CPEB4: variants seen among roughly 807,000 people sequenced by gnomAD.
CPEB4 encodes cytoplasmic polyadenylation element binding protein 4.
A neutral mutation model predicts 72.5 loss-of-function variants in CPEB4; 12 were observed. The observed-to-expected ratio is 0.17, with a 90% CI of 0.11 to 0.27. The LOEUF (loss-of-function observed/expected upper bound fraction) is 0.27, where lower values mean the gene tolerates loss of function less well. Ranked by LOEUF, CPEB4 falls within the 10% of genes least tolerant of loss-of-function variation. The probability of loss-of-function intolerance (pLI) is 1.00; values close to 1 mark genes in which losing one functional copy is unlikely to be tolerated. For missense variants in CPEB4, 614 were observed against 908.5 expected, an observed-to-expected ratio of 0.68 and a Z score of 4.17; for synonymous variants, 302 against 326.3, an observed-to-expected ratio of 0.93 and a Z score of 0.80.
At chr5:173,940,618 A>G (rs893623171) in intron 3 of CPEB4, among the ~76,000 whole-genome samples, 1 of 152,230 alleles carries the variant, frequency 6.6e-6, no homozygotes, top group Non-Finnish European at 1.5e-5. Context: ...TAGAAAATTC[A>G]TTGAACTTAT....
chr5:173,895,826 T>C (rs1376028120), intron 1 of CPEB4, among the ~76,000 whole-genome samples: 2 of 151,932 alleles, frequency 1.3e-5, no homozygotes, highest in African/African-American at 4.8e-5. Flanking sequence ...GTAGAGTTTT[T>C]TTCTTTTTCT....
rs1048501009 is a variant in CPEB4 at position 173,900,805 on chromosome 5, A to C, written c.1126-9718A>C. 6.6e-6 allele frequency among the ~76,000 whole-genome samples: 1 copy of C among 152,182 alleles called. No individual in the cohort carries two copies. Among genetic ancestry groups the C allele is most frequent in the Non-Finnish European group, 1.5e-5 (1 of 68,032 alleles). On this transcript the variant is annotated intron_variant, in intron 1 of 9. Coordinates refer to ENST00000265085, the MANE Select transcript of CPEB4 (RefSeq NM_030627.4). The surrounding 1 kb of genome is among the most constrained non-coding windows in gnomAD (Gnocchi z 4.4). Reference sequence around the variant, plus strand: ...GAAATGTTTATTGAATGAGTTCACTAACCGCCATGCTTTGTGCTCCTGCTG... The same window carrying C: ...GAAATGTTTATTGAATGAGTTCACTCACCGCCATGCTTTGTGCTCCTGCTG...
At chr5:173,944,494 ATTGAC>A (rs1223235221) in intron 4 of CPEB4, among the ~76,000 whole-genome samples, 2 of 144,588 alleles carry the variant, frequency 1.4e-5, no homozygotes, top group East Asian at 2.0e-4. Context: ...AAAAAAAAAA[ATTGAC>A]TTGTTCATTT....
chr5:173,908,155 A>T (rs1199108017), intron 1 of CPEB4, among the ~76,000 whole-genome samples: 2 of 152,246 alleles, frequency 1.3e-5, no homozygotes, highest in African/African-American at 4.8e-5. Flanking sequence ...CTGAAAGAAT[A>T]TGCAGGTTTT....
intron 2 of CPEB4, among the ~76,000 whole-genome samples, chr5:173,914,529 G>A (rs1241416430): frequency 6.6e-6 from 1 of 152,172 alleles, no homozygotes; most frequent in Non-Finnish European, 1.5e-5. Flanking sequence ...GGCCAGGTGG[G>A]TGCATCACCT....
At position 173,908,283 on chromosome 5, in the gene CPEB4, T is replaced by A. The variant is rs370819005; in HGVS notation, c.1126-2240T>A. ...ATACTCCTGCCTCTCTATAGATAGA[T>A]CTTGTTCAGGAGATGAGGATAATGA... On this transcript the variant is annotated intron_variant, in intron 1 of 9. Coordinates refer to ENST00000265085, the MANE Select transcript of CPEB4 (RefSeq NM_030627.4). Among the ~76,000 whole-genome samples the A allele has an allele frequency of 5.2e-4, 79 of 152,280 alleles. 1 individual carries two copies. Among genetic ancestry groups the A allele is most frequent in the Middle Eastern group, 6.8e-3 (2 of 294 alleles).
chr5:173,961,484 G>A lies in CPEB4; in HGVS notation c.*5347G>A, dbSNP rs1376921852. The A allele has an allele frequency of 6.6e-6, 1 of 152,160 alleles. No individual in the cohort carries two copies. Among genetic ancestry groups the A allele is most frequent in the Non-Finnish European group, 1.5e-5 (1 of 68,024 alleles). The allele number at this position is 152,160 out of a possible 1,614,324, so 9.4% of individuals were successfully genotyped here. ...TTTTAAATCACAGAATGGTGTGTCT[G>A]GAAAGGGTGTAAGAGGCTTCCTGGG... On this transcript the variant is annotated 3_prime_UTR_variant, in exon 10 of 10. Coordinates refer to ENST00000265085, the MANE Select transcript of CPEB4 (RefSeq NM_030627.4).
At chr5:173,908,514 C>T (rs1756526358) in intron 1 of CPEB4, among the ~76,000 whole-genome samples, 1 of 152,182 alleles carries the variant, frequency 6.6e-6, no homozygotes, top group Admixed American at 6.5e-5. Flanking sequence ...CTGGACTCCT[C>T]AAGTTGCAGT....
At chr5:173,937,459 A>T (rs1337203589) in intron 3 of CPEB4, among the ~76,000 whole-genome samples, 2 of 152,212 alleles carry the variant, frequency 1.3e-5, no homozygotes, top group African/African-American at 2.4e-5. Flanking sequence ...GTAGATGATG[A>T]TCACTTACTG....
intron 3 of CPEB4, among the ~76,000 whole-genome samples, chr5:173,940,962 T>TGAA (rs1272048184): frequency 1.3e-5 from 2 of 152,230 alleles, no homozygotes; most frequent in Non-Finnish European, 2.9e-5. Context: ...AGTGTACATT[T>TGAA]GAAGATTTCG....
chr5:173,890,185 T>A lies in CPEB4; in HGVS notation c.452T>A (p.Leu151Gln). The change falls in exon 1 of 10, where the codon CTA (leucine) becomes CAA (glutamine). Residue 151 changes from leucine to glutamine, a missense_variant. This residue lies in a region of CPEB4 where 458 missense variants were observed against 548.6 expected (regional missense o/e 0.83). Coordinates refer to ENST00000265085, the MANE Select transcript of CPEB4 (RefSeq NM_030627.4). ...TGFDYQEATG[L>Q]GTSTQPLTSS... ...TTTGATTATCAAGAAGCCACTGGGC[T>A]AGGTACTTCAACCCAACCCTTGACA... 6.2e-7 allele frequency: 1 copy of A among 1,614,198 alleles called. No individual in the cohort carries two copies. Among genetic ancestry groups the A allele is most frequent in the Non-Finnish European group, 8.5e-7 (1 of 1,180,032 alleles).
intron 2 of CPEB4, among the ~76,000 whole-genome samples, chr5:173,920,687 A>AT (rs1410134003): frequency 6.6e-6 from 1 of 152,196 alleles, no homozygotes; most frequent in Non-Finnish European, 1.5e-5. Flanking sequence ...TGATCTTTAC[A>AT]TTACCATCAG....
chr5:173,890,090 AG>A lies in CPEB4; in HGVS notation c.361del (p.Asp121ThrfsTer13). The stretch of plus-strand genomic sequence containing the variant: ...AGAAGGCAAAATCAGAAGAAAATCA[AG>A]GGGACAATTCTTCGGAAAATGGCAA... ...TEKAKSEENQ[G>X]DNSSENGNGK... On this transcript the variant is annotated frameshift_variant, in exon 1 of 10. Coordinates refer to ENST00000265085, the MANE Select transcript of CPEB4 (RefSeq NM_030627.4). LOFTEE classifies it high-confidence loss of function. The A allele has an allele frequency of 6.2e-7, 1 of 1,614,138 alleles. No individual in the cohort carries two copies. The highest frequency in any genetic ancestry group is 8.5e-7 in the Non-Finnish European group (1 of 1,180,012).
At chr5:173,897,418 A>G (rs188353917) in intron 1 of CPEB4, among the ~76,000 whole-genome samples, 6 of 152,230 alleles carry the variant, frequency 3.9e-5, no homozygotes, top group Admixed American at 2.6e-4. Context: ...CCTGGAATCA[A>G]GAGTTTTTAA....
intron 2 of CPEB4, among the ~76,000 whole-genome samples, chr5:173,925,866 G>A (rs1214667076): frequency 1.3e-5 from 2 of 152,222 alleles, no homozygotes; most frequent in East Asian, 1.9e-4. Context: ...GTATGTGTAT[G>A]TATATATTTG....
intron 1 of CPEB4, among the ~76,000 whole-genome samples, chr5:173,897,370 G>T (rs1373744100): frequency 1.3e-5 from 2 of 152,164 alleles, no homozygotes; most frequent in Non-Finnish European, 2.9e-5. Flanking sequence ...ATATGAAAGG[G>T]TGCCATAGAT....
At chr5:173,954,245 A>G (rs1191767696) in intron 9 of CPEB4, among the ~76,000 whole-genome samples, 1 of 152,210 alleles carries the variant, frequency 6.6e-6, no homozygotes, top group Non-Finnish European at 1.5e-5. Flanking sequence ...TGTCATGTAC[A>G]GTCTACTTCA....
In CPEB4 at chr5:173,949,970, C is replaced by T. The variant is rs146932436; in HGVS notation, c.1557C>T (p.Phe519=). ...KSYFPPKGYA[F]LLFQDESSVQ... is the part of the protein sequence containing the mutation. ...CCCCCTTTTTTCCAGGCTATGCATT[C>T]CTGCTGTTTCAAGATGAAAGCTCTG... The change falls in exon 7 of 10, where the codon TTC becomes TTT. Residue 519 remains phenylalanine (F), a synonymous_variant. Coordinates refer to ENST00000265085, the MANE Select transcript of CPEB4 (RefSeq NM_030627.4). 264 of 1,606,942 alleles carry T rather than the reference C, an allele frequency of 1.6e-4. 2 individuals are homozygous for T. In the African/African-American group the frequency reaches 3.1e-3, roughly 19 times the overall value.
At chr5:173,949,713 C>T (rs1758151399) in intron 6 of CPEB4, 116 bp downstream of exon 6, 3 of 739,158 alleles carry the variant, frequency 4.1e-6, no homozygotes, top group African/African-American at 1.8e-5. Flanking sequence ...CTTGCATTTT[C>T]CCAAATGCTC....
Sources: allele counts gnomAD v4.1 joint callset (sites outside exome capture counted in the v4.1 genomes callset), GRCh38; gene constraint gnomAD v4.1.1; regional missense constraint gnomAD v4.1.1; non-coding constraint Gnocchi (gnomAD v3.1); transcripts MANE v1.5; gene names NCBI Gene and HGNC (gene_info 2026-07-23, HGNC 2026-07-21).